SCNN1B: variants seen among roughly 807,000 people sequenced by gnomAD.
SCNN1B encodes the protein epithelial sodium channel subunit beta.
A neutral mutation model predicts 65.3 loss-of-function variants in SCNN1B; 46 were observed. The observed-to-expected ratio is 0.70, with a 90% CI of 0.56 to 0.90. The LOEUF is 0.90. Among genes scored for constraint, SCNN1B ranks in the 40% least tolerant of loss-of-function variants. SCNN1B has a pLI of 0.00. For synonymous variants in SCNN1B, 349 were observed against 330.6 expected (o/e 1.06, Z -0.60); for missense variants, 751 against 830.5 (o/e 0.90, Z 1.18).
Position 23,377,375 on chromosome 16 carries a change from G to A in SCNN1B, c.1393G>A (p.Glu465Lys). ...MTISMADWPS[E>K]ASEDWIFHVL... is the part of the protein sequence containing the mutation. ...CATCTCCATGGCTGACTGGCCTTCTGAGGCCTCCGAGGTGAGACAGTTGGG... is the reference window on the plus strand; with the variant it reads ...CATCTCCATGGCTGACTGGCCTTCTAAGGCCTCCGAGGTGAGACAGTTGGG... The change falls in exon 10 of 13, where the codon GAG becomes AAG. Residue 465 changes from glutamate (E) to lysine (K), a missense_variant. Glu to Lys is a moderately conservative substitution (Grantham distance 56, BLOSUM62 1). Transcript: ENST00000343070. 6.2e-7 allele frequency: 1 copy of A among 1,614,170 alleles called. No homozygotes were observed. The highest frequency in any genetic ancestry group is 1.1e-5 in the South Asian group (1 of 91,086).
intron 1 of SCNN1B, chr16:23,304,228 C>G (rs1488816445): frequency 1.4e-6 from 1 of 719,288 alleles, no homozygotes; most frequent in Non-Finnish European, 2.4e-6. Flanking sequence ...TTTTCCACTG[C>G]TCACATACGG....
At chr16:23,374,669 C>T (rs1324625055) in intron 7 of SCNN1B, among the ~76,000 whole-genome samples, 1 of 151,974 alleles carries the variant, frequency 6.6e-6, no homozygotes. Context: ...GCCTTCCAGC[C>T]CTGATTTCCT....
chr16:23,361,976 G>T (rs1448669767), intron 4 of SCNN1B, among the ~76,000 whole-genome samples: 1 of 152,028 alleles, frequency 6.6e-6, no homozygotes, highest in South Asian at 2.1e-4. Flanking sequence ...GCCCCCTAAA[G>T]TGCTGGGATT....
intron 2 of SCNN1B, among the ~76,000 whole-genome samples, chr16:23,284,953 C>T (rs190509493): frequency 7.2e-5 from 11 of 152,234 alleles, no homozygotes; most frequent in Admixed American, 4.6e-4. Context: ...AAAGACTATG[C>T]GAGTTCATGG....
upstream of SCNN1B, among the ~76,000 whole-genome samples, chr16:23,299,145 C>T (rs1283535947): frequency 6.0e-5 from 9 of 151,140 alleles, 1 homozygote; most frequent in Admixed American, 4.0e-4. Flanking sequence ...CTGCAACCTC[C>T]GCCTCCCGGG....
At chr16:23,332,551 G>A (rs1961836025) in intron 1 of SCNN1B, among the ~76,000 whole-genome samples, 1 of 151,958 alleles carries the variant, frequency 6.6e-6, no homozygotes, top group African/African-American at 2.4e-5. Context: ...GGCTGATCTC[G>A]TACTCCTAAG....
In SCNN1B at chr16:23,303,955, A is replaced by G. The variant is rs188467528; in HGVS notation, c.-9+1518A>G. On this transcript the variant is annotated intron_variant, in intron 1 of 12. Coordinates refer to ENST00000343070, the MANE Select transcript of SCNN1B (RefSeq NM_000336.3). ...ACTAGAAGTAGAAATGGTACAACCC[A>G]CCTATGTCATTCTGCAACTTGAGCC... 463 of 833,280 alleles carry G rather than the reference A, an allele frequency of 5.6e-4. 4 individuals carry two copies. The African/African-American group carries it at 6.3e-3, about 11-fold the overall frequency. 51.6% of individuals were successfully genotyped at this position (833,280 alleles called of 1,614,324 possible).
At chr16:23,355,547 T>A in intron 4 of SCNN1B, 58 bp downstream of exon 4, 1 of 1,570,558 alleles carries the variant, frequency 6.4e-7, no homozygotes, top group Non-Finnish European at 8.7e-7. Flanking sequence ...CAGTGGCATG[T>A]TACGGTTGGG....
At chr16:23,378,590 C>A (rs544417004) in intron 10 of SCNN1B, 116 bp from the exon 11 acceptor site, 6 of 880,888 alleles carry the variant, frequency 6.8e-6, no homozygotes, top group Middle Eastern at 2.1e-4. Context: ...AATTGTGATT[C>A]CCCCGGGGGC....
intron 2 of SCNN1B, 42 bp from the exon 3 acceptor site, chr16:23,352,758 AG>A: frequency 6.2e-7 from 1 of 1,610,394 alleles, no homozygotes; most frequent in Non-Finnish European, 8.5e-7. Context: ...TCTGCTTTAC[AG>A]ATATGCATTC....
chr16:23,371,900 C>A lies in SCNN1B; in HGVS notation c.1152+17C>A, dbSNP rs370595048. 4 of 1,577,048 alleles carry A rather than the reference C, an allele frequency of 2.5e-6. No individual in the cohort carries two copies. The highest frequency in any genetic ancestry group is 1.3e-5 in the African/African-American group (1 of 74,286). ...TCCATCCAGGTGGGAAGGTGGTGCA[C>A]GCCTCATGCCCCGGGGCCCCTGTCC... On this transcript the variant is annotated intron_variant, in intron 7 of 12. Transcript: ENST00000343070.
intron 4 of SCNN1B, among the ~76,000 whole-genome samples, chr16:23,361,547 A>G (rs1482789881): frequency 6.6e-6 from 1 of 152,208 alleles, no homozygotes; most frequent in Non-Finnish European, 1.5e-5. Flanking sequence ...TTATTCCATC[A>G]TTTATTGACA....
At chr16:23,365,239 C>A (rs1034704519) in intron 4 of SCNN1B, among the ~76,000 whole-genome samples, 1 of 151,470 alleles carries the variant, frequency 6.6e-6, no homozygotes, top group Non-Finnish European at 1.5e-5. Flanking sequence ...TTACAGTGAA[C>A]CAATATCACG....
chr16:23,353,161 G>A (rs748375274), intron 3 of SCNN1B, 87 bp downstream of exon 3: 136 of 1,448,010 alleles, frequency 9.4e-5, no homozygotes, highest in Admixed American at 2.9e-4. Flanking sequence ...TTTGAGTCTC[G>A]CTGGGGGAAA....
intron 2 of SCNN1B, among the ~76,000 whole-genome samples, chr16:23,285,984 A>G (rs913171704): frequency 2.6e-5 from 4 of 152,200 alleles, no homozygotes; most frequent in Admixed American, 1.3e-4. Context: ...AAAATAATAA[A>G]TACCATTGAA....
intron 1 of SCNN1B, among the ~76,000 whole-genome samples, chr16:23,280,816 C>A (rs926612934): frequency 2.0e-5 from 3 of 152,180 alleles, no homozygotes; most frequent in African/African-American, 7.2e-5. Context: ...TTCAGAGCTT[C>A]CTGAATGAAT....
At chr16:23,378,054 G>A (rs944855281) in intron 10 of SCNN1B, among the ~76,000 whole-genome samples, 1 of 152,058 alleles carries the variant, frequency 6.6e-6, no homozygotes, top group African/African-American at 2.4e-5. Context: ...TGTCGCCCAG[G>A]CTGGAGTGCA....
chr16:23,304,237 G>C (rs761104559), intron 1 of SCNN1B: 20 of 680,310 alleles, frequency 2.9e-5, no homozygotes, highest in Non-Finnish European at 4.8e-5. Context: ...GCTCACATAC[G>C]GACCCATGAA....
intron 4 of SCNN1B, 96 bp downstream of exon 4, chr16:23,355,585 GC>G (rs1186975755): frequency 1.5e-5 from 19 of 1,273,258 alleles, no homozygotes; most frequent in Middle Eastern, 2.4e-4. Flanking sequence ...TTCCAATCCT[GC>G]CCAGCCACTT....
Sources: allele counts gnomAD v4.1 joint callset (sites outside exome capture counted in the v4.1 genomes callset), GRCh38; gene constraint gnomAD v4.1.1; transcripts MANE v1.5; gene names NCBI Gene and HGNC (gene_info 2026-07-23, HGNC 2026-07-21).